The following KCNN2 variants were observed in gnomAD, a reference collection of about 807,000 sequenced individuals.
KCNN2 encodes the protein small conductance calcium-activated potassium channel protein 2.
Under a neutral mutation model 55.5 loss-of-function variants are expected in KCNN2, and 24 were observed. The ratio of observed to expected loss-of-function variants is 0.43; its 90% CI spans 0.31 to 0.61. The LOEUF is 0.61. Among genes scored for constraint, KCNN2 ranks in the 20% least tolerant of loss-of-function variants. KCNN2 has a pLI of 0.08. For synonymous variants in KCNN2, 431 were observed against 336.1 expected (o/e 1.28, Z -3.09); for missense variants, 754 against 853.6 (o/e 0.88, Z 1.45).
In KCNN2 at chr5:114,123,565, G is replaced by C. The variant is rs1199401640; in HGVS notation, c.-271+67065G>C. Among the ~76,000 whole-genome samples the C allele has an allele frequency of 2.5e-5, 2 of 80,210 alleles. 1 individual carries two copies. Among genetic ancestry groups the C allele is most frequent in the Non-Finnish European group, 5.2e-5 (2 of 38,570 alleles). 52.6% of individuals were successfully genotyped at this position (80,210 alleles called of 152,430 possible). ...TTTTTAGTAGAGACGGGGTTTCACT[G>C]TGTTAGCCAGAATGGTCTCGATCTC... On this transcript the variant is annotated intron_variant, in intron 1 of 10. Transcript: ENST00000512097.
intron 1 of KCNN2, among the ~76,000 whole-genome samples, chr5:114,142,571 A>G (rs907114751): frequency 2.0e-5 from 3 of 152,214 alleles, no homozygotes; most frequent in Admixed American, 2.0e-4. Context: ...CTTATACACC[A>G]ATAACAGACA....
intron 3 of KCNN2, among the ~76,000 whole-genome samples, chr5:114,444,907 G>T (rs1293695262): frequency 2.0e-5 from 3 of 152,026 alleles, no homozygotes; most frequent in African/African-American, 7.2e-5. Context: ...TTTTCTCCTT[G>T]CACCCCACAT....
intron 2 of KCNN2, among the ~76,000 whole-genome samples, chr5:114,277,544 G>C (rs935560432): frequency 1.3e-5 from 2 of 151,900 alleles, no homozygotes; most frequent in African/African-American, 4.8e-5. Context: ...TGTTTTCACT[G>C]TGTTGTCTCT....
intron 2 of KCNN2, among the ~76,000 whole-genome samples, chr5:114,245,823 C>T (rs953725005): frequency 6.6e-6 from 1 of 152,146 alleles, no homozygotes; most frequent in East Asian, 1.9e-4. Flanking sequence ...CAGTCAGGAA[C>T]AGGTGGACAT....
intron 1 of KCNN2, among the ~76,000 whole-genome samples, chr5:114,084,292 A>G (rs1343287852): frequency 6.6e-6 from 1 of 152,054 alleles, no homozygotes; most frequent in East Asian, 1.9e-4. Context: ...TCTTGTATTT[A>G]CACCAACAAT....
At chr5:114,178,998 A>C (rs1753187699) in intron 1 of KCNN2, among the ~76,000 whole-genome samples, 1 of 152,202 alleles carries the variant, frequency 6.6e-6, no homozygotes, top group Non-Finnish European at 1.5e-5. Context: ...TAGCATCTGT[A>C]GGCTTTTTGA....
chr5:114,470,553 G>C (rs1225796348), intron 4 of KCNN2, among the ~76,000 whole-genome samples: 2 of 152,150 alleles, frequency 1.3e-5, no homozygotes, highest in Non-Finnish European at 2.9e-5. Flanking sequence ...TAGACTTCAT[G>C]GTAGATGTTT....
At chr5:114,217,701 T>G (rs1378925648) in intron 1 of KCNN2, among the ~76,000 whole-genome samples, 2 of 152,152 alleles carry the variant, frequency 1.3e-5, no homozygotes, top group Non-Finnish European at 2.9e-5. Flanking sequence ...GGTCATGGCT[T>G]TTTAGGTACA....
rs1757532801 is a variant in KCNN2 at position 114,364,092 on chromosome 5, A to T, written c.1218+91A>T. Reference sequence around the variant, plus strand: ...CAGCAGAGGCTTTTTTCAAGCCATCATGTCCTTGCTTGAGGTTACAGAAGA... The same window carrying T: ...CAGCAGAGGCTTTTTTCAAGCCATCTTGTCCTTGCTTGAGGTTACAGAAGA... On this transcript the variant is annotated intron_variant, in intron 2 of 7. Transcript: ENST00000673685. 9 of 905,642 alleles carry T rather than the reference A, an allele frequency of 9.9e-6. 1 individual carries two copies. Among genetic ancestry groups the T allele is most frequent in the Non-Finnish European group, 1.6e-5 (9 of 551,732 alleles). The allele number at this position is 905,642 out of a possible 1,614,324, so 56.1% of individuals were successfully genotyped here. A position where few individuals can be genotyped will look rare whatever the true frequency, so the allele number is the denominator to read the frequency against.
At chr5:114,470,874 C>G (rs1184554910) in intron 4 of KCNN2, among the ~76,000 whole-genome samples, 3 of 152,104 alleles carry the variant, frequency 2.0e-5, no homozygotes, top group African/African-American at 7.2e-5. Context: ...TTTCAGACAC[C>G]TGGGTTTTAT....
intron 5 of KCNN2, among the ~76,000 whole-genome samples, chr5:114,479,811 TC>T (rs1354257951): frequency 2.6e-5 from 4 of 152,200 alleles, no homozygotes; most frequent in Admixed American, 6.5e-5. Flanking sequence ...AAGGCAGAAA[TC>T]AAGAAGTTCT....
chr5:114,474,193 TTAA>T (rs1761873092), intron 5 of KCNN2, among the ~76,000 whole-genome samples: 2 of 152,210 alleles, frequency 1.3e-5, no homozygotes, highest in African/African-American at 4.8e-5. Context: ...GTAATCTTGT[TTAA>T]TTTGGTTGAT....
chr5:114,234,612 T>C (rs780025294), intron 2 of KCNN2, among the ~76,000 whole-genome samples: 1 of 152,228 alleles, frequency 6.6e-6, no homozygotes, highest in Non-Finnish European at 1.5e-5. Context: ...GTTCCAAAAA[T>C]ACACTGTGCT....
intron 1 of KCNN2, among the ~76,000 whole-genome samples, chr5:114,059,312 A>C (rs1750276828): frequency 6.6e-6 from 1 of 152,224 alleles, no homozygotes; most frequent in East Asian, 1.9e-4. Context: ...TGGACATATC[A>C]TATTATTTTT....
At chr5:114,176,350 T>A (rs1580590582) in intron 1 of KCNN2, among the ~76,000 whole-genome samples, 2 of 152,196 alleles carry the variant, frequency 1.3e-5, no homozygotes, top group East Asian at 3.8e-4. Context: ...TCATCCTTAG[T>A]TCTTTGTTTT....
chr5:114,261,754 C>G (rs951359628), intron 2 of KCNN2, among the ~76,000 whole-genome samples: 11 of 152,152 alleles, frequency 7.2e-5, no homozygotes, highest in African/African-American at 2.4e-4. Context: ...GGAAAACTGA[C>G]TTGGGTTAGT....
At chr5:114,458,618 C>T (rs944654968) in intron 3 of KCNN2, among the ~76,000 whole-genome samples, 9 of 152,178 alleles carry the variant, frequency 5.9e-5, no homozygotes, top group African/African-American at 2.2e-4. Context: ...TCGTTATCTT[C>T]AAATTCTTTA....
At chr5:114,364,092 A>G in intron 2 of KCNN2, 91 bp downstream of exon 2, 3 of 905,642 alleles carry the variant, frequency 3.3e-6, no homozygotes, top group South Asian at 2.8e-5. Context: ...TCAAGCCATC[A>G]TGTCCTTGCT....
chr5:114,298,288 C>A (rs1580704600), intron 2 of KCNN2, among the ~76,000 whole-genome samples: 1 of 152,216 alleles, frequency 6.6e-6, no homozygotes, highest in African/African-American at 2.4e-5. Context: ...GAGGACCAAG[C>A]TTCTAGTGCC....
Sources: gnomAD v4.1 joint callset for allele counts (sites outside exome capture counted in the v4.1 genomes callset) on GRCh38, gnomAD v4.1.1 for gene constraint, MANE v1.5 for transcripts, NCBI Gene and HGNC (gene_info 2026-07-23, HGNC 2026-07-21) for gene names.